Variants in POGZ observed in about 807,000 individuals in gnomAD.
POGZ encodes pogo transposable element with ZNF domain.
A neutral mutation model predicts 134.6 loss-of-function variants in POGZ; 17 were observed. The observed-to-expected ratio is 0.13, with a 90% CI of 0.09 to 0.19. POGZ has a LOEUF of 0.19. Ranked by LOEUF, POGZ falls within the 10% of genes least tolerant of loss-of-function variation. The probability of loss-of-function intolerance (pLI) is 1.00; values close to 1 mark genes in which losing one functional copy is unlikely to be tolerated. For missense variants in POGZ, 1,306 were observed against 1,769.7 expected, an observed-to-expected ratio of 0.74 and a Z score of 4.70; for synonymous variants, 693 against 657.1, an observed-to-expected ratio of 1.05 and a Z score of -0.84.
At chr1:151,425,289 C>T in intron 7 of POGZ, 1 of 386,386 alleles carries the variant, frequency 2.6e-6, no homozygotes, top group East Asian at 5.2e-5. Context: ...GCAGCCTTGA[C>T]CTCCCTGGGC....
chr1:151,452,751 C>T (rs1267704962), intron 1 of POGZ, among the ~76,000 whole-genome samples: 1 of 151,696 alleles, frequency 6.6e-6, no homozygotes, highest in African/African-American at 2.4e-5. Context: ...GCAGTCCCAG[C>T]TACTCGGAAG....
At position 151,404,607 on chromosome 1, in the gene POGZ, G is replaced by A. The variant is rs1048028244; in HGVS notation, c.*195C>T. The A allele has an allele frequency of 9.8e-6, 13 of 1,328,662 alleles. No homozygotes were observed. The African/African-American group carries it at 1.5e-4, about 15-fold the overall frequency. 82.3% of individuals were successfully genotyped at this position (1,328,662 alleles called of 1,614,324 possible). A position where few individuals can be genotyped will look rare whatever the true frequency, so the allele number is the denominator to read the frequency against. ...AATGGGCCAGCTCCTTGGCTCAGAC[G>A]TGATTACTATTGGTTTTCCTAATTA... is the stretch of plus-strand genomic sequence containing the variant. On this transcript the variant is annotated 3_prime_UTR_variant, in exon 19 of 19. Coordinates refer to ENST00000271715, the MANE Select transcript of POGZ (RefSeq NM_015100.4).
intron 1 of POGZ, among the ~76,000 whole-genome samples, chr1:151,457,583 C>T (rs555322234): frequency 1.3e-5 from 2 of 152,276 alleles, no homozygotes; most frequent in African/African-American, 4.8e-5. Context: ...AACGAGCAGC[C>T]CTCCCTGCCC....
intron 4 of POGZ, among the ~76,000 whole-genome samples, chr1:151,430,086 A>G (rs1207458618): frequency 2.6e-5 from 4 of 152,130 alleles, no homozygotes; most frequent in Non-Finnish European, 5.9e-5. Context: ...ACATACAAAC[A>G]ATCCTAAAAA....
chr1:151,458,134 A>G (rs1389310397), intron 1 of POGZ, among the ~76,000 whole-genome samples: 1 of 152,060 alleles, frequency 6.6e-6, no homozygotes, highest in African/African-American at 2.4e-5. Flanking sequence ...CTTTTTCTGA[A>G]CTAAGAATGT....
chr1:151,440,263 GAAATA>G (rs1462784716), intron 3 of POGZ, among the ~76,000 whole-genome samples: 1 of 150,310 alleles, frequency 6.7e-6, no homozygotes, highest in South Asian at 2.1e-4. Flanking sequence ...AGTTTTAAAG[GAAATA>G]AAATAATTAA....
At chr1:151,424,390 T>C in intron 8 of POGZ, 104 bp from the exon 9 acceptor site, 1 of 726,088 alleles carries the variant, frequency 1.4e-6, no homozygotes. Context: ...TTTCAGGTAT[T>C]CTCATTCAGC....
chr1:151,403,342 AAAC>A lies in POGZ; in HGVS notation c.*1457_*1459del, dbSNP rs567211686. On this transcript the variant is annotated 3_prime_UTR_variant, in exon 19 of 19. Coordinates refer to ENST00000271715, the MANE Select transcript of POGZ (RefSeq NM_015100.4). ...TATTAAACAGGGTCACCTAGAAAAA[AAAC>A]AAGTTTATAAATCCATTTCCCCTCA... is the stretch of plus-strand genomic sequence containing the variant. 11 of 985,576 alleles carry A rather than the reference AAAC, an allele frequency of 1.1e-5. No homozygotes were observed. The highest frequency in any genetic ancestry group is 1.3e-5 in the Non-Finnish European group (11 of 829,740). 61.1% of individuals were successfully genotyped at this position (985,576 alleles called of 1,614,324 possible).
intron 10 of POGZ, among the ~76,000 whole-genome samples, chr1:151,414,579 T>C (rs897063737): frequency 1.3e-5 from 2 of 152,150 alleles, no homozygotes; most frequent in Non-Finnish European, 2.9e-5. Flanking sequence ...GGTTGGGAGT[T>C]CAAGACAAGC....
At chr1:151,429,787 CAA>C in intron 4 of POGZ, 76 bp from the exon 5 acceptor site, 2 of 713,778 alleles carry the variant, frequency 2.8e-6, no homozygotes, top group South Asian at 1.8e-5. Flanking sequence ...GACCTACATC[CAA>C]AAAAAAATTC....
chr1:151,449,553 A>C (rs1170191434), intron 1 of POGZ, among the ~76,000 whole-genome samples: 5 of 152,188 alleles, frequency 3.3e-5, no homozygotes, highest in Admixed American at 2.0e-4. Context: ...ATTAAAAAAA[A>C]ATCATCCCAC....
rs1195799714 is a variant in POGZ at position 151,403,381 on chromosome 1, T to C, written c.*1421A>G. The C allele has an allele frequency of 1.0e-6, 1 of 985,546 alleles. No individual in the cohort carries two copies. The highest frequency in any genetic ancestry group is 6.1e-5 in the Admixed American group (1 of 16,268). 61.1% of individuals were successfully genotyped at this position (985,546 alleles called of 1,614,324 possible). On this transcript the variant is annotated 3_prime_UTR_variant, in exon 19 of 19. Transcript: ENST00000271715. ...ATCCATTTCCCCTCATTTTATTAAA[T>C]GTTCCACTTATGTACATTTTAAAGA... is the stretch of plus-strand genomic sequence containing the variant.
intron 11 of POGZ, 100 bp from the exon 12 acceptor site, chr1:151,411,871 A>G (rs1654746690): frequency 2.8e-6 from 3 of 1,080,786 alleles, no homozygotes; most frequent in Admixed American, 6.6e-5. Context: ...TTAAAAAAAA[A>G]AAGTTTTCTC....
Position 151,458,491 on chromosome 1 carries a change from C to T in POGZ, c.-2+661G>A, listed in dbSNP as rs145498930. Among the ~76,000 whole-genome samples, 276 of 152,108 alleles carry T rather than the reference C, an allele frequency of 1.8e-3. 1 individual carries two copies. Among genetic ancestry groups the T allele is most frequent in the South Asian group, 0.012 (60 of 4,826 alleles). ...GCAGAGATTACATAACACAAGGGAT[C>T]GGCTCAGCAATCACTCATTTTCCTC... is the stretch of plus-strand genomic sequence containing the variant. On this transcript the variant is annotated intron_variant, in intron 1 of 18. Coordinates refer to ENST00000271715, the MANE Select transcript of POGZ (RefSeq NM_015100.4).
chr1:151,420,071 C>T (rs1295674510), intron 10 of POGZ, among the ~76,000 whole-genome samples: 1 of 151,910 alleles, frequency 6.6e-6, no homozygotes, highest in African/African-American at 2.4e-5. Context: ...GCCTACAGTC[C>T]CAGCTACTCA....
At chr1:151,451,320 A>AT (rs1291143338) in intron 1 of POGZ, among the ~76,000 whole-genome samples, 39 of 151,484 alleles carry the variant, frequency 2.6e-4, no homozygotes, top group Admixed American at 9.4e-4. Context: ...TTATTTATTT[A>AT]TTTTATTTTT....
At chr1:151,409,553 T>C (rs1323670161) in intron 12 of POGZ, among the ~76,000 whole-genome samples, 1 of 151,996 alleles carries the variant, frequency 6.6e-6, no homozygotes, top group African/African-American at 2.4e-5. Context: ...CCCAGGCTGG[T>C]CTTCAACTCC....
At chr1:151,424,413 G>A in intron 8 of POGZ, 127 bp from the exon 9 acceptor site, 2 of 605,568 alleles carry the variant, frequency 3.3e-6, no homozygotes, top group Admixed American at 6.7e-5. Flanking sequence ...TCACCCTTCA[G>A]TTTTTTTTAG....
chr1:151,447,924 A>G (rs1443326101), intron 1 of POGZ, among the ~76,000 whole-genome samples: 1 of 152,074 alleles, frequency 6.6e-6, no homozygotes, highest in East Asian at 1.9e-4. Context: ...ATCTTTGCTG[A>G]TAGTCAAGAT....
Sources: allele counts gnomAD v4.1 joint callset (sites outside exome capture counted in the v4.1 genomes callset), GRCh38; gene constraint gnomAD v4.1.1; transcripts MANE v1.5; gene names NCBI Gene and HGNC (gene_info 2026-07-23, HGNC 2026-07-21).